Variants in JMJD1C observed in about 807,000 individuals in gnomAD.
JMJD1C encodes the protein jumonji domain containing 1C, also known as jumonji domain-containing protein 1C.
Under a neutral mutation model 245.3 loss-of-function variants are expected in JMJD1C, and 31 were observed. That is an observed-to-expected ratio of 0.13 (90% CI 0.09 to 0.17). The LOEUF (loss-of-function observed/expected upper bound fraction) is 0.17, where lower values mean the gene tolerates loss of function less well. JMJD1C is among the 10% of genes least tolerant of loss of function. JMJD1C has a pLI of 1.00. For missense variants in JMJD1C, 2,691 were observed against 3,000.2 expected (o/e 0.90, Z 2.41); for synonymous variants, 1,057 against 1,017.4 (o/e 1.04, Z -0.74).
chr10:63,482,148 C>A (rs569363358), intron 1 of JMJD1C, among the ~76,000 whole-genome samples: 1 of 151,982 alleles, frequency 6.6e-6, no homozygotes, highest in Non-Finnish European at 1.5e-5. Context: ...CATTTCCTTA[C>A]GACATTGATG....
intron 3 of JMJD1C, among the ~76,000 whole-genome samples, chr10:63,257,686 CT>C (rs772852268): frequency 1.3e-5 from 2 of 152,210 alleles, no homozygotes; most frequent in Non-Finnish European, 2.9e-5. Flanking sequence ...GAGTACATGA[CT>C]TTCCCTGTGG....
chr10:63,412,148 T>C (rs1949523560), intron 1 of JMJD1C, among the ~76,000 whole-genome samples: 1 of 152,050 alleles, frequency 6.6e-6, no homozygotes, highest in Non-Finnish European at 1.5e-5. Context: ...GCCCGCCCAG[T>C]CGAAAAGCTG....
chr10:63,441,473 A>C (rs1396497306), intron 1 of JMJD1C, among the ~76,000 whole-genome samples: 1 of 152,220 alleles, frequency 6.6e-6, no homozygotes, highest in Admixed American at 6.5e-5. Context: ...TAATACATAT[A>C]AAGTGCTCAA....
chr10:63,510,475 G>A (rs1346696975), intron 1 of JMJD1C, among the ~76,000 whole-genome samples: 3 of 152,080 alleles, frequency 2.0e-5, no homozygotes, highest in Admixed American at 1.3e-4. Context: ...GTATTATTTA[G>A]AAGTTGTTTA....
chr10:63,369,104 T>A (rs981714934), intron 2 of JMJD1C, among the ~76,000 whole-genome samples: 1 of 152,006 alleles, frequency 6.6e-6, no homozygotes, highest in Admixed American at 6.6e-5. Flanking sequence ...TTCTTTCTTT[T>A]CTTCTTTCCT....
chr10:63,416,363 TA>T (rs1949804497), intron 1 of JMJD1C, among the ~76,000 whole-genome samples: 1 of 151,646 alleles, frequency 6.6e-6, no homozygotes, highest in African/African-American at 2.4e-5. Context: ...TTTTTAATAA[TA>T]AACATTTAAA....
chr10:63,380,610 T>G, intron 1 of JMJD1C, 128 bp from the exon 2 acceptor site: 1 of 668,248 alleles, frequency 1.5e-6, no homozygotes, highest in South Asian at 1.9e-5. Flanking sequence ...ACACAATGTG[T>G]AATGATCAAA....
chr10:63,250,555 A>C (rs1852916739), intron 3 of JMJD1C, among the ~76,000 whole-genome samples: 1 of 152,072 alleles, frequency 6.6e-6, no homozygotes, highest in Non-Finnish European at 1.5e-5. Context: ...CTGATGTAAA[A>C]TTTCCTGACT....
chr10:63,295,261 ATTT>A (rs5785568), intron 2 of JMJD1C, among the ~76,000 whole-genome samples: 6 of 138,674 alleles, frequency 4.3e-5, no homozygotes, highest in Admixed American at 7.2e-5. Context: ...TGCCCAACTA[ATTT>A]TTTTTTTTTT....
chr10:63,509,443 C>T (rs996779894), intron 1 of JMJD1C, among the ~76,000 whole-genome samples: 1 of 152,160 alleles, frequency 6.6e-6, no homozygotes, highest in African/African-American at 2.4e-5. Flanking sequence ...AGATGTATTT[C>T]CCCTACTTCT....
chr10:63,219,721 AATT>A (rs1848392094), intron 4 of JMJD1C, among the ~76,000 whole-genome samples, 154 bp downstream of exon 4: 2 of 152,304 alleles, frequency 1.3e-5, no homozygotes, highest in East Asian at 3.9e-4. Context: ...TTTCTATCAA[AATT>A]ATTATCACTC....
intron 3 of JMJD1C, chr10:63,222,343 G>A: frequency 1.5e-6 from 2 of 1,349,576 alleles, no homozygotes; most frequent in Non-Finnish European, 2.1e-6. Flanking sequence ...CACTGCATTT[G>A]GCACAAACAA....
intron 1 of JMJD1C, among the ~76,000 whole-genome samples, chr10:63,403,715 G>T (rs1488034910): frequency 6.6e-6 from 1 of 152,168 alleles, no homozygotes; most frequent in Non-Finnish European, 1.5e-5. Flanking sequence ...AAGGCAGGCG[G>T]ATCACAAGGT....
At chr10:63,200,742 G>T in intron 10 of JMJD1C, 65 bp from the exon 11 acceptor site, 1 of 1,346,954 alleles carries the variant, frequency 7.4e-7, no homozygotes, top group Non-Finnish European at 1.1e-6. Context: ...TCCTTGAGAT[G>T]AAATTCAAGT....
At chr10:63,435,834 A>G (rs1005423365) in intron 1 of JMJD1C, among the ~76,000 whole-genome samples, 6 of 152,182 alleles carry the variant, frequency 3.9e-5, no homozygotes, top group African/African-American at 1.4e-4. Context: ...AGGAGGCAGA[A>G]GTTGCAGTGA....
At chr10:63,368,521 A>T (rs1156343453) in intron 2 of JMJD1C, among the ~76,000 whole-genome samples, 1 of 152,148 alleles carries the variant, frequency 6.6e-6, no homozygotes, top group Non-Finnish European at 1.5e-5. Context: ...CCATGATAAT[A>T]TCCAGCATCC....
chr10:63,349,327 C>G (rs1944138909), intron 2 of JMJD1C, among the ~76,000 whole-genome samples: 1 of 152,158 alleles, frequency 6.6e-6, no homozygotes, highest in South Asian at 2.1e-4. Flanking sequence ...TGGACTAAGA[C>G]AGTGTTTTTA....
intron 1 of JMJD1C, among the ~76,000 whole-genome samples, chr10:63,500,242 T>C (rs1954503268): frequency 6.6e-6 from 1 of 151,180 alleles, no homozygotes; most frequent in Admixed American, 6.6e-5. Context: ...GGTAACATGG[T>C]GATACCCCAT....
chr10:63,465,987 C>T (rs1258455923), upstream of JMJD1C: 2 of 311,270 alleles, frequency 6.4e-6, no homozygotes, highest in Admixed American at 5.4e-5. Context: ...TGCTCCGTCT[C>T]CCTCCCCGGG....
Sources: gnomAD v4.1 joint callset for allele counts (sites outside exome capture counted in the v4.1 genomes callset) on GRCh38, gnomAD v4.1.1 for gene constraint, MANE v1.5 for transcripts, NCBI Gene and HGNC (gene_info 2026-07-23, HGNC 2026-07-21) for gene names.